The following NAT9 variants were observed in gnomAD, a reference collection of about 807,000 sequenced individuals.
NAT9 encodes N-acetyltransferase 9, also known as alpha/beta-tubulin-N-acetyltransferase 9.
NAT9 carries 18 observed loss-of-function variants against 24.0 expected under a neutral mutation model. That is an observed-to-expected ratio of 0.75 (90% CI 0.52 to 1.11). The LOEUF (loss-of-function observed/expected upper bound fraction) is 1.11, where lower values mean the gene tolerates loss of function less well. Ranked by LOEUF, NAT9 falls within the 50% of genes most tolerant of loss-of-function variation. NAT9 has a pLI of 0.00. For missense variants in NAT9, 254 were observed against 258.6 expected (o/e 0.98, Z 0.12); for synonymous variants, 104 against 102.3 (o/e 1.02, Z -0.10).
rs190057869 is a variant in NAT9, at chr17:74,776,287, C to T, written c.-30G>A. On this transcript the variant is annotated 5_prime_UTR_variant, in exon 1 of 7. Transcript: ENST00000357814. ...CCCACCTACCACCGACGAAATCGTC[C>T]CCCGCAGAAAGGGTGATCTACCTCC... 1.7e-3 allele frequency: 267 copies of T among 152,764 alleles called. No individual in the cohort carries two copies. The highest frequency in any genetic ancestry group is 0.01 in the Middle Eastern group (3 of 298). The allele number at this position is 152,764 out of a possible 1,614,324, so 9.5% of individuals were successfully genotyped here.
Position 74,771,414 on chromosome 17 carries a change from C to T in NAT9, c.*310G>A, listed in dbSNP as rs993791070. 18 of 453,624 alleles carry T rather than the reference C, an allele frequency of 4.0e-5. No individual in the cohort carries two copies. In the Admixed American group the frequency reaches 4.7e-4, roughly 12 times the overall value. The allele number at this position is 453,624 out of a possible 1,614,324, so 28.1% of individuals were successfully genotyped here. On this transcript the variant is annotated 3_prime_UTR_variant, in exon 7 of 7. Coordinates refer to ENST00000357814, the MANE Select transcript of NAT9 (RefSeq NM_015654.5). ...CCACTCCCATCCATGTTCCAGGTCC[C>T]CCTGCACCTCCAGCTCCCACCTTCA...
rs1567833306 is a variant in NAT9 at position 74,771,634 on chromosome 17, G to A, written c.*90C>T. The A allele has an allele frequency of 6.4e-7, 1 of 1,559,140 alleles. No individual in the cohort carries two copies. Among genetic ancestry groups the A allele is most frequent in the Non-Finnish European group, 8.7e-7 (1 of 1,149,952 alleles). On this transcript the variant is annotated 3_prime_UTR_variant, in exon 7 of 7. Transcript: ENST00000357814. Reference sequence around the variant, plus strand: ...AAAGGTGATTCCCAGCCTGGGCCAGGAGCACTCTCCCAGTGCAGGGCTCTG... The same window carrying A: ...AAAGGTGATTCCCAGCCTGGGCCAGAAGCACTCTCCCAGTGCAGGGCTCTG...
chr17:74,775,890 A>T lies in NAT9; in HGVS notation c.-9-183T>A. On this transcript the variant is annotated intron_variant, in intron 1 of 6. Transcript: ENST00000357814. Reference sequence around the variant, plus strand: ...AGAACCAGGCTGGTTAAGGATAATTAAACAATCCTTGACTCCCACTCCAAG... The same window carrying T: ...AGAACCAGGCTGGTTAAGGATAATTTAACAATCCTTGACTCCCACTCCAAG... 9.5e-6 allele frequency: 5 copies of T among 526,956 alleles called. No individual in the cohort carries two copies. The South Asian group carries it at 1.1e-4, about 11-fold the overall frequency. 32.6% of individuals were successfully genotyped at this position (526,956 alleles called of 1,614,324 possible).
Position 74,771,647 on chromosome 17 carries a change from G to A in NAT9, c.*77C>T, listed in dbSNP as rs911492677. 1.8e-5 allele frequency: 28 copies of A among 1,585,744 alleles called. No homozygotes were observed. Among genetic ancestry groups the A allele is most frequent in the East Asian group, 1.6e-4 (7 of 44,214 alleles). On this transcript the variant is annotated 3_prime_UTR_variant, in exon 7 of 7. Transcript: ENST00000357814. ...AGCCTGGGCCAGGAGCACTCTCCCAGTGCAGGGCTCTGGTCTTTGAAGTGT... is the reference window on the plus strand; with the variant it reads ...AGCCTGGGCCAGGAGCACTCTCCCAATGCAGGGCTCTGGTCTTTGAAGTGT...
Position 74,771,587 on chromosome 17 carries a change from C to T in NAT9, c.*137G>A, listed in dbSNP as rs1180001859. The T allele has an allele frequency of 2.9e-6, 4 of 1,367,432 alleles. No individual in the cohort carries two copies. The highest frequency in any genetic ancestry group is 2.9e-6 in the Non-Finnish European group (3 of 1,017,850). The allele number at this position is 1,367,432 out of a possible 1,614,324, so 84.7% of individuals were successfully genotyped here. ...GCTGGAGGGAGGCCACAGCAAGCCCCGCCAGAGTCTGAAGGGCCTCGAAAG... is the reference window on the plus strand; with the variant it reads ...GCTGGAGGGAGGCCACAGCAAGCCCTGCCAGAGTCTGAAGGGCCTCGAAAG... On this transcript the variant is annotated 3_prime_UTR_variant, in exon 7 of 7. Transcript: ENST00000357814.
At chr17:74,774,859 T>A (rs1460634766) in intron 2 of NAT9, among the ~76,000 whole-genome samples, 2 of 150,288 alleles carry the variant, frequency 1.3e-5, no homozygotes, top group Non-Finnish European at 3.0e-5. Context: ...CTTTATTTTA[T>A]TTTATTTTAT....
chr17:74,773,033 G>A lies in NAT9; in HGVS notation c.197C>T (p.Thr66Ile), dbSNP rs772417568. Reference sequence around the variant, plus strand: ...CTTCTCGGCATCCAGCACAATGAAGGTACACTCTGAGGAGGAGGTGACAGG... The same window carrying A: ...CTTCTCGGCATCCAGCACAATGAAGATACACTCTGAGGAGGAGGTGACAGG... ...CSWQEDADKCTFIVLDAEKWQ... is the reference protein window; with the variant it reads ...CSWQEDADKCIFIVLDAEKWQ... The change falls in exon 4 of 7, where the codon ACC (threonine) becomes ATC (isoleucine). Residue 66 changes from threonine (T) to isoleucine (I), a missense_variant. Transcript: ENST00000357814. 25 of 1,613,794 alleles carry A rather than the reference G, an allele frequency of 1.5e-5. No homozygotes were observed. The East Asian group carries it at 5.3e-4, about 35-fold the overall frequency.
chr17:74,772,959 C>T lies in NAT9; in HGVS notation c.271G>A (p.Val91Met), dbSNP rs1324389881. ...ATEESCMVGD[V>M]NLFLTDLEDL... Reference sequence around the variant, plus strand: ...TCTAGATCTGTGAGGAAGAGGTTCACATCTCCCACCATGCAGCTCTCTTCG... The same window carrying T: ...TCTAGATCTGTGAGGAAGAGGTTCATATCTCCCACCATGCAGCTCTCTTCG... The change falls in exon 4 of 7, where the codon GTG becomes ATG. Residue 91 changes from valine (V) to methionine (M), a missense_variant. Physicochemically the swap from Val to Met is conservative, Grantham distance 21. Transcript: ENST00000357814. 1.2e-6 allele frequency: 2 copies of T among 1,614,084 alleles called. No individual in the cohort carries two copies. Among genetic ancestry groups the T allele is most frequent in the African/African-American group, 1.3e-5 (1 of 74,924 alleles).
chr17:74,772,799 G>A (rs2035408030), intron 4 of NAT9, 97 bp downstream of exon 4: 2 of 1,544,410 alleles, frequency 1.3e-6, no homozygotes, highest in African/African-American at 1.4e-5. Context: ...GCCTCCCAGT[G>A]AACCCTGTGA....
intron 2 of NAT9, among the ~76,000 whole-genome samples, chr17:74,774,832 G>C (rs990150444): frequency 2.0e-5 from 3 of 151,764 alleles, no homozygotes; most frequent in African/African-American, 7.3e-5. Flanking sequence ...TTACAGGCGT[G>C]AGCCACTGCG....
intron 2 of NAT9, among the ~76,000 whole-genome samples, chr17:74,774,606 A>G (rs924637275): frequency 7.0e-6 from 1 of 143,642 alleles, no homozygotes; most frequent in African/African-American, 2.6e-5. Context: ...GCTGGAGTGC[A>G]GTGGCGCGAT....
chr17:74,772,464 T>C (rs1043064169), intron 4 of NAT9, 187 bp from the exon 5 acceptor site: 6 of 1,435,032 alleles, frequency 4.2e-6, no homozygotes, highest in Middle Eastern at 2.3e-4. Flanking sequence ...CAACCTGACT[T>C]CAAAGCTGAC....
intron 2 of NAT9, 31 bp from the exon 3 acceptor site, chr17:74,773,719 G>A (rs748666864): frequency 5.7e-6 from 9 of 1,589,172 alleles, no homozygotes; most frequent in Middle Eastern, 1.7e-4. Flanking sequence ...TAGACATGGA[G>A]GACTCATTCA....
chr17:74,772,209 CTT>C lies in NAT9; in HGVS notation c.394+7_394+8del. ...CCACTTCCCGCATTGTCTGCTCACACTTTCTTACCGTAAGACAGCATCGCGAG... is the reference window on the plus strand; with the variant it reads ...CCACTTCCCGCATTGTCTGCTCACACTCTTACCGTAAGACAGCATCGCGAG... On this transcript the variant is annotated splice_region_variant and intron_variant, in intron 5 of 6. Transcript: ENST00000357814. The C allele has an allele frequency of 6.2e-7, 1 of 1,614,244 alleles. No homozygotes were observed. The highest frequency in any genetic ancestry group is 8.5e-7 in the Non-Finnish European group (1 of 1,180,050).
rs1487549732 is a variant in NAT9 at position 74,771,988 on chromosome 17, CG to C, written c.460del (p.Arg154GlyfsTer20). On this transcript the variant is annotated frameshift_variant, in exon 6 of 7. Transcript: ENST00000357814. LOFTEE classifies it high-confidence loss of function. ...KIGQGNEPSI[R>X]MFQKLHFEQV... ...CTCAAAGTGAAGTTTCTGGAACATC[CG>C]GATGCTTGGTTCATTTCCTTGCCCA... 5.6e-6 allele frequency: 9 copies of C among 1,614,112 alleles called. No homozygotes were observed. In the African/African-American group the frequency reaches 1.2e-4, roughly 22 times the overall value.
At chr17:74,771,901 TACC>T in intron 6 of NAT9, 43 bp from the exon 7 acceptor site, 3 of 1,614,198 alleles carry the variant, frequency 1.9e-6, no homozygotes, top group Non-Finnish European at 1.7e-6. Context: ...GTTACAGTAT[TACC>T]ACCACCAGGC....
At position 74,771,502 on chromosome 17, in the gene NAT9, T is replaced by C; in HGVS notation, c.*222A>G. On this transcript the variant is annotated 3_prime_UTR_variant, in exon 7 of 7. Transcript: ENST00000357814. ...GCTTCCTAGAGTCTGGGTCTGGGTT[T>C]GGCCGGGAGGGGAGAAGGGAACTGG... 1.5e-6 allele frequency: 1 copy of C among 666,048 alleles called. No homozygotes were observed. The highest frequency in any genetic ancestry group is 2.0e-5 in the South Asian group (1 of 49,832). The allele number at this position is 666,048 out of a possible 1,614,324, so 41.3% of individuals were successfully genotyped here.
intron 2 of NAT9, 104 bp from the exon 3 acceptor site, chr17:74,773,792 G>A: frequency 2.1e-6 from 2 of 962,182 alleles, no homozygotes; most frequent in South Asian, 2.7e-5. Context: ...AGGGCTCAAA[G>A]AAGACCCAAA....
At chr17:74,772,702 TAA>T in intron 4 of NAT9, 192 bp downstream of exon 4, 2 of 1,130,746 alleles carry the variant, frequency 1.8e-6, no homozygotes, top group South Asian at 3.3e-5. Context: ...GCATAAGGAC[TAA>T]AGTGATGAGG....
Sources: gnomAD v4.1 joint callset for allele counts (sites outside exome capture counted in the v4.1 genomes callset) on GRCh38, gnomAD v4.1.1 for gene constraint, MANE v1.5 for transcripts, NCBI Gene and HGNC (gene_info 2026-07-23, HGNC 2026-07-21) for gene names.